Variants in CIB4 observed in about 807,000 individuals in gnomAD.
CIB4 encodes calcium and integrin-binding family member 4.
In CIB4, 25 loss-of-function variants were observed where a neutral mutation model predicts 25.8. That is an observed-to-expected ratio of 0.97 (90% CI 0.71 to 1.35). CIB4 has a LOEUF of 1.35. CIB4 is among the 40% of genes most tolerant of loss of function. The pLI is 0.00. For synonymous variants in CIB4, 75 were observed against 81.4 expected, an observed-to-expected ratio of 0.92 and a Z score of 0.42; for missense variants, 235 against 228.2, an observed-to-expected ratio of 1.03 and a Z score of -0.19.
intron 3 of CIB4, among the ~76,000 whole-genome samples, chr2:26,595,897 GCACA>G (rs61283412): frequency 2.1e-3 from 69 of 32,142 alleles, no homozygotes; most frequent in Admixed American, 8.5e-3. Flanking sequence ...TTATCTGCGC[GCACA>G]CACACACACA....
intron 6 of CIB4, 147 bp downstream of exon 6, chr2:26,582,678 C>T: frequency 1.9e-6 from 1 of 531,586 alleles, no homozygotes; most frequent in East Asian, 2.8e-5. Flanking sequence ...TCCAGTTTTG[C>T]TGACTCTGAA....
rs144045047 is a variant in CIB4, at chr2:26,595,391, A to G, written c.187-74T>C. ...GTGTCTCCCTGGGTCTCTCTCATCT[A>G]TTACAAACACTGTGTCCTGGGTTTG... On this transcript the variant is annotated intron_variant, in intron 3 of 6. Coordinates refer to ENST00000288861, the MANE Select transcript of CIB4 (RefSeq NM_001029881.3). 5.1e-4 allele frequency: 771 copies of G among 1,500,422 alleles called. 6 individuals carry two copies. In the African/African-American group the frequency reaches 9.4e-3, roughly 18 times the overall value. 92.9% of individuals were successfully genotyped at this position (1,500,422 alleles called of 1,614,324 possible).
chr2:26,627,753 C>A lies in CIB4; in HGVS notation c.186+1657G>T, dbSNP rs953288224. ...AGAATCCCAGCTTCTCCCAGCTACC[C>A]CCACCCACCTACCCACCCCTCACCC... On this transcript the variant is annotated intron_variant, in intron 3 of 6. Coordinates refer to ENST00000288861, the MANE Select transcript of CIB4 (RefSeq NM_001029881.3). The surrounding 1 kb of genome is among the most constrained non-coding windows in gnomAD (Gnocchi z 4.0). Among the ~76,000 whole-genome samples the A allele has an allele frequency of 6.6e-5, 10 of 152,150 alleles. No individual in the cohort carries two copies. The highest frequency in any genetic ancestry group is 1.5e-4 in the Non-Finnish European group (10 of 68,028).
chr2:26,601,225 AAAAAAAATAT>A (rs1344299395), intron 3 of CIB4, among the ~76,000 whole-genome samples: 6 of 51,232 alleles, frequency 1.2e-4, no homozygotes, highest in African/African-American at 2.1e-4. Context: ...GTCAAAAAAA[AAAAAAAATAT>A]ATATATATAT....
chr2:26,593,407 CATATATACACACACAT>C (rs1386076152), intron 4 of CIB4, among the ~76,000 whole-genome samples: 1 of 151,678 alleles, frequency 6.6e-6, no homozygotes, highest in African/African-American at 2.4e-5. Context: ...TATACACACA[CATATATACACACACAT>C]ATATATACAC....
intron 4 of CIB4, among the ~76,000 whole-genome samples, chr2:26,589,095 C>T (rs1668528743): frequency 8.6e-6 from 1 of 116,220 alleles, no homozygotes; most frequent in African/African-American, 4.0e-5. Flanking sequence ...TCTTCTTCTT[C>T]TTCTTCTTCT....
intron 3 of CIB4, among the ~76,000 whole-genome samples, chr2:26,609,873 TAA>T (rs1668964554): frequency 6.6e-6 from 1 of 152,174 alleles, no homozygotes; most frequent in Non-Finnish European, 1.5e-5. Context: ...GAAAACCCTT[TAA>T]AACACAATCT....
intron 6 of CIB4, 38 bp from the exon 7 acceptor site, chr2:26,581,431 G>A: frequency 6.2e-7 from 1 of 1,609,536 alleles, no homozygotes; most frequent in South Asian, 1.1e-5. Context: ...TGAGCCCGCA[G>A]GTCCAAGGGG....
Position 26,629,470 on chromosome 2 carries a change from C to A in CIB4, c.126G>T (p.Gly42=). ...TGAGCGTTGCCTCCTTGTAGTACTT[C>A]CCAGGAGGGCAGAGCTTCAGGAAGG... is the stretch of plus-strand genomic sequence containing the variant. ...HDTFLKLCPP[G]KYYKEATLTM... Residue 42 remains glycine (G), a synonymous_variant, in exon 3 of 7, where the codon GGG becomes GGT. Coordinates refer to ENST00000288861, the MANE Select transcript of CIB4 (RefSeq NM_001029881.3). 6.3e-7 allele frequency: 1 copy of A among 1,580,272 alleles called. No individual in the cohort carries two copies. Among genetic ancestry groups the A allele is most frequent in the South Asian group, 1.2e-5 (1 of 85,870 alleles).
chr2:26,631,283 T>C (rs1415379561), intron 2 of CIB4, among the ~76,000 whole-genome samples: 5 of 152,122 alleles, frequency 3.3e-5, no homozygotes, highest in African/African-American at 4.8e-5. Flanking sequence ...GAGACCACCC[T>C]AGGCAATACA....
intron 4 of CIB4, among the ~76,000 whole-genome samples, chr2:26,591,022 G>T (rs1264573270): frequency 6.6e-6 from 1 of 152,222 alleles, no homozygotes; most frequent in Non-Finnish European, 1.5e-5. Context: ...AGCCCAAGGA[G>T]AACCTTCTGC....
At chr2:26,590,637 G>A (rs952715671) in intron 4 of CIB4, among the ~76,000 whole-genome samples, 2 of 151,826 alleles carry the variant, frequency 1.3e-5, no homozygotes, top group Non-Finnish European at 2.9e-5. Context: ...GACTTACTAC[G>A]CAGGCTCAGG....
intron 3 of CIB4, among the ~76,000 whole-genome samples, chr2:26,596,181 G>A (rs1240465479): frequency 1.3e-5 from 2 of 152,270 alleles, no homozygotes; most frequent in East Asian, 1.9e-4. Flanking sequence ...TGCAAGCCAC[G>A]AAAGGAAACA....
At position 26,609,367 on chromosome 2, in the gene CIB4, A is replaced by ACCACCTCCCTCCTCTCC. The variant is rs1383627563; in HGVS notation, c.187-14067_187-14051dup. On this transcript the variant is annotated intron_variant, in intron 3 of 6. Transcript: ENST00000288861. ...GCTACAAGCCAGGGCCCTTACAGAGACCACCTCCCTCCTCTCCCCACCTCC... is the reference window on the plus strand; with the variant it reads ...GCTACAAGCCAGGGCCCTTACAGAGACCACCTCCCTCCTCTCCCCACCTCCCTCCTCTCCCCACCTCC... Among the ~76,000 whole-genome samples the ACCACCTCCCTCCTCTCC allele has an allele frequency of 1.2e-3, 182 of 152,220 alleles. 1 individual carries two copies. The highest frequency in any genetic ancestry group is 4.2e-3 in the African/African-American group (175 of 41,540).
chr2:26,598,765 G>GC (rs999417489), intron 3 of CIB4, among the ~76,000 whole-genome samples: 18 of 152,182 alleles, frequency 1.2e-4, no homozygotes, highest in African/African-American at 4.1e-4. Context: ...CAGGTTATGA[G>GC]CCCCCCTGAG....
At chr2:26,628,024 C>T (rs1045297499) in intron 3 of CIB4, among the ~76,000 whole-genome samples, 3 of 152,180 alleles carry the variant, frequency 2.0e-5, no homozygotes, top group African/African-American at 7.2e-5. Flanking sequence ...TCGTTCCAAA[C>T]AGAAACGAAG....
chr2:26,583,858 C>T lies in CIB4; in HGVS notation c.369G>A (p.Gln123=). The change falls in exon 5 of 7, where the codon CAG becomes CAA. Residue 123 remains glutamine, a synonymous_variant. Coordinates refer to ENST00000288861, the MANE Select transcript of CIB4 (RefSeq NM_001029881.3). The stretch of plus-strand genomic sequence containing the variant: ...TGTTCAGCAGTCGCAGGATGATCCT[C>T]TGCAGATCCTCCTCATCAATGAAGC... ...ENGFIDEEDL[Q]RIILRLLNSD... The T allele has an allele frequency of 6.2e-7, 1 of 1,613,474 alleles. No individual in the cohort carries two copies. The highest frequency in any genetic ancestry group is 1.3e-5 in the African/African-American group (1 of 75,044).
chr2:26,629,359 C>CAA, intron 3 of CIB4, 51 bp downstream of exon 3: 1 of 977,540 alleles, frequency 1.0e-6, no homozygotes, highest in Non-Finnish European at 1.6e-6. Flanking sequence ...ATCAGCCCAT[C>CAA]AGCAGGTCCC....
intron 3 of CIB4, among the ~76,000 whole-genome samples, chr2:26,619,044 G>A (rs558993034): frequency 3.3e-5 from 5 of 152,272 alleles, no homozygotes; most frequent in Non-Finnish European, 7.4e-5. Flanking sequence ...AAGCCCCATC[G>A]GCCCCCATGA....
Sources: gnomAD v4.1 joint callset for allele counts (sites outside exome capture counted in the v4.1 genomes callset) on GRCh38, gnomAD v4.1.1 for gene constraint, Gnocchi (gnomAD v3.1) non-coding constraint, MANE v1.5 for transcripts, NCBI Gene and HGNC (gene_info 2026-07-23, HGNC 2026-07-21) for gene names.